HACD4: variants seen among roughly 807,000 people sequenced by gnomAD.
HACD4 encodes 3-hydroxyacyl-CoA dehydratase 4.
A neutral mutation model predicts 33.3 loss-of-function variants in HACD4; 35 were observed. The observed-to-expected ratio is 1.05, with a 90% CI of 0.80 to 1.39. HACD4 has a LOEUF of 1.39. HACD4 is among the 40% of genes most tolerant of loss of function. The pLI is 0.00. For missense variants in HACD4, 323 were observed against 276.5 expected (o/e 1.17, Z -1.19); for synonymous variants, 118 against 98.0 (o/e 1.20, Z -1.21).
rs1384788002 is a variant in HACD4, at chr9:21,000,701, A to G, written c.*6336T>C. On this transcript the variant is annotated 3_prime_UTR_variant, in exon 7 of 7. Transcript: ENST00000495827. Reference sequence around the variant, plus strand: ...GGAAACATTATAATTATTAAAAAGCAGTAATAAACAAGTGGAAGATAGATA... The same window carrying G: ...GGAAACATTATAATTATTAAAAAGCGGTAATAAACAAGTGGAAGATAGATA... The G allele has an allele frequency of 6.6e-6, 1 of 152,194 alleles. No homozygotes were observed. Among genetic ancestry groups the G allele is most frequent in the Admixed American group, 6.5e-5 (1 of 15,268 alleles). The allele number at this position is 152,194 out of a possible 1,614,324, so 9.4% of individuals were successfully genotyped here.
chr9:21,014,335 G>A (rs1349262622), intron 4 of HACD4, among the ~76,000 whole-genome samples: 1 of 152,144 alleles, frequency 6.6e-6, no homozygotes, highest in African/African-American at 2.4e-5. Context: ...ACTGATAAGT[G>A]GATACACAGA....
At position 21,006,897 on chromosome 9, in the gene HACD4, T is replaced by G. The variant is rs970742641; in HGVS notation, c.*140A>C. On this transcript the variant is annotated 3_prime_UTR_variant, in exon 7 of 7. Transcript: ENST00000495827. The surrounding 1 kb of genome is among the most constrained non-coding windows in gnomAD (Gnocchi z 4.6). Reference sequence around the variant, plus strand: ...AACATAGCCTGTTATGTCTAGAGTTTTGGGGGTATGTGCAGTTATTTCATG... The same window carrying G: ...AACATAGCCTGTTATGTCTAGAGTTGTGGGGGTATGTGCAGTTATTTCATG... 22 of 677,950 alleles carry G rather than the reference T, an allele frequency of 3.2e-5. No homozygotes were observed. The African/African-American group carries it at 4.0e-4, about 12-fold the overall frequency. 42.0% of individuals were successfully genotyped at this position (677,950 alleles called of 1,614,324 possible). A position where few individuals can be genotyped will look rare whatever the true frequency, so the allele number is the denominator to read the frequency against.
chr9:21,008,182 CCTT>C lies in HACD4; in HGVS notation c.491-39_491-37del. The C allele has an allele frequency of 5.1e-6, 8 of 1,574,066 alleles. No homozygotes were observed. The South Asian group carries it at 7.1e-5, about 14-fold the overall frequency. ...AGAAAGGCATCATAAAGGTATTCCT[CCTT>C]AAGTTGTTACAGGGATGTGTATATA... On this transcript the variant is annotated intron_variant, in intron 5 of 6. Transcript: ENST00000495827.
chr9:21,018,085 G>C (rs1185805971), intron 3 of HACD4, among the ~76,000 whole-genome samples: 3 of 152,044 alleles, frequency 2.0e-5, no homozygotes, highest in Non-Finnish European at 4.4e-5. Flanking sequence ...CTCTATATTC[G>C]GTGTCAATCT....
chr9:21,011,467 G>A (rs1204606169), intron 5 of HACD4, 122 bp downstream of exon 5: 4 of 685,790 alleles, frequency 5.8e-6, no homozygotes, highest in Non-Finnish European at 1.0e-5. Context: ...ATGCCAGTAA[G>A]GATACACTGA....
At position 21,006,696 on chromosome 9, in the gene HACD4, TTTC is replaced by T. The variant is rs1842278599; in HGVS notation, c.*338_*340del. On this transcript the variant is annotated 3_prime_UTR_variant, in exon 7 of 7. Coordinates refer to ENST00000495827, the MANE Select transcript of HACD4 (RefSeq NM_001010915.5). This position sits in a 1 kb window ranked among gnomAD's most constrained non-coding sequence, Gnocchi z 4.6. ...ATGTAATTTAGGTTATCAAGTTTGG[TTTC>T]TTAATTTAATTGAATCTATTGCAGC... 4.0e-6 allele frequency: 1 copy of T among 248,152 alleles called. No homozygotes were observed. Among genetic ancestry groups the T allele is most frequent in the African/African-American group, 2.3e-5 (1 of 42,634 alleles). The allele number at this position is 248,152 out of a possible 1,614,324, so 15.4% of individuals were successfully genotyped here. A position where few individuals can be genotyped will look rare whatever the true frequency, so the allele number is the denominator to read the frequency against.
chr9:21,031,452 G>T (rs1012294583), intron 1 of HACD4, 101 bp downstream of exon 1: 49 of 1,348,162 alleles, frequency 3.6e-5, no homozygotes, highest in Non-Finnish European at 4.4e-5. Context: ...CCTTGCTGGC[G>T]GGCGGGGGGT....
intron 5 of HACD4, among the ~76,000 whole-genome samples, chr9:21,008,499 T>G (rs745531564): frequency 1.3e-5 from 2 of 152,194 alleles, no homozygotes; most frequent in Non-Finnish European, 2.9e-5. Flanking sequence ...TATTTTCCTC[T>G]TAGAGTTTCA....
chr9:21,011,799 C>T (rs1842445699), intron 4 of HACD4, 104 bp from the exon 5 acceptor site: 1 of 617,202 alleles, frequency 1.6e-6, no homozygotes, highest in East Asian at 2.9e-5. Context: ...GGAAAGTGTA[C>T]AAATTGTATA....
rs7034569 is a variant in HACD4 at position 21,016,509 on chromosome 9, A to G, written c.271-499T>C. ...GACATGCTACATTTCATTTCATCCA[A>G]GTTGGATCTTGAAAAATGAATAAGA... On this transcript the variant is annotated intron_variant, in intron 3 of 6. Coordinates refer to ENST00000495827, the MANE Select transcript of HACD4 (RefSeq NM_001010915.5). 6.9e-3 allele frequency among the ~76,000 whole-genome samples: 1,046 copies of G among 152,336 alleles called. 18 individuals carry two copies. The highest frequency in any genetic ancestry group is 0.024 in the African/African-American group (1,005 of 41,574).
At chr9:21,021,697 G>A (rs564416346) in intron 3 of HACD4, among the ~76,000 whole-genome samples, 96 of 152,214 alleles carry the variant, frequency 6.3e-4, no homozygotes, top group Non-Finnish European at 1.0e-3. Context: ...TCTTCAAGGA[G>A]AACTACAAAC....
At chr9:21,007,279 T>A (rs932059929) in intron 6 of HACD4, among the ~76,000 whole-genome samples, 160 bp from the exon 7 acceptor site, 1 of 152,216 alleles carries the variant, frequency 6.6e-6, no homozygotes, top group Non-Finnish European at 1.5e-5. Flanking sequence ...CCAGATTTTA[T>A]GCAGAAAGAG....
chr9:21,009,015 G>A (rs867603595), intron 5 of HACD4, among the ~76,000 whole-genome samples: 14 of 152,106 alleles, frequency 9.2e-5, no homozygotes, highest in Middle Eastern at 3.2e-3. Context: ...CACCAAATAT[G>A]CAGTTTAAGG....
In HACD4 at chr9:21,008,108, A is replaced by G. The variant is rs1471011316; in HGVS notation, c.529T>C (p.Phe177Leu). The change falls in exon 6 of 7, where the codon TTT becomes CTT. Residue 177 changes from phenylalanine (F) to leucine (L), a missense_variant. Phe to Leu is a conservative substitution (Grantham distance 22, BLOSUM62 0). Coordinates refer to ENST00000495827, the MANE Select transcript of HACD4 (RefSeq NM_001010915.5). ...GGCAGCTTGGTGGAATAAGTGCCAA[A>G]TGATTCAAAATAAGGCAGCGATTGA... is the stretch of plus-strand genomic sequence containing the variant. ...IYQSLPYFES[F>L]GTYSTKLPFD... is the part of the protein sequence containing the mutation. The G allele has an allele frequency of 2.5e-6, 4 of 1,610,394 alleles. No individual in the cohort carries two copies. The highest frequency in any genetic ancestry group is 1.7e-4 in the Middle Eastern group (1 of 6,050).
At chr9:21,010,783 C>T (rs1842401749) in intron 5 of HACD4, among the ~76,000 whole-genome samples, 1 of 152,024 alleles carries the variant, frequency 6.6e-6, no homozygotes, top group Non-Finnish European at 1.5e-5. Context: ...ATGGTTTCAT[C>T]TGGGGGTGAT....
intron 4 of HACD4, among the ~76,000 whole-genome samples, chr9:21,014,231 G>A (rs1842504899): frequency 6.6e-6 from 1 of 152,178 alleles, no homozygotes. Flanking sequence ...AGGTATAAGG[G>A]AAATGAAAAC....
Position 21,002,659 on chromosome 9 carries a change from A to ATTAC in HACD4, c.*4374_*4377dup, listed in dbSNP as rs770556061. ...CAGTGGTGATGGTTGCACAATATAA[A>ATTAC]TTACTTACTACTACTGAACTGCACA... On this transcript the variant is annotated 3_prime_UTR_variant, in exon 7 of 7. Transcript: ENST00000495827. 2.0e-5 allele frequency: 3 copies of ATTAC among 152,134 alleles called. No homozygotes were observed. The highest frequency in any genetic ancestry group is 7.2e-5 in the African/African-American group (3 of 41,442). 9.4% of individuals were successfully genotyped at this position (152,134 alleles called of 1,614,324 possible).
chr9:21,026,774 T>C lies in HACD4; in HGVS notation c.143-51A>G, dbSNP rs751477989. 4.7e-6 allele frequency: 7 copies of C among 1,501,300 alleles called. No individual in the cohort carries two copies. The South Asian group carries it at 7.0e-5, about 15-fold the overall frequency. The allele number at this position is 1,501,300 out of a possible 1,614,324, so 93.0% of individuals were successfully genotyped here. A position where few individuals can be genotyped will look rare whatever the true frequency, so the allele number is the denominator to read the frequency against. The stretch of plus-strand genomic sequence containing the variant: ...GATATAGGAAGAAAAAACTGGATTA[T>C]AACCCAAATTTATGCAGCACTTTGA... On this transcript the variant is annotated intron_variant, in intron 2 of 6. Coordinates refer to ENST00000495827, the MANE Select transcript of HACD4 (RefSeq NM_001010915.5).
chr9:21,011,368 C>T (rs1842427755), intron 5 of HACD4, among the ~76,000 whole-genome samples: 1 of 152,170 alleles, frequency 6.6e-6, no homozygotes, highest in Admixed American at 6.5e-5. Context: ...AAGTGAAGGC[C>T]TCAGATGCCG....
Sources: allele counts gnomAD v4.1 joint callset (sites outside exome capture counted in the v4.1 genomes callset), GRCh38; gene constraint gnomAD v4.1.1; non-coding constraint Gnocchi (gnomAD v3.1); transcripts MANE v1.5; gene names NCBI Gene and HGNC (gene_info 2026-07-23, HGNC 2026-07-21).